NLGN4X: variants seen among roughly 807,000 people sequenced by gnomAD.
NLGN4X encodes neuroligin 4 X-linked.
A neutral mutation model predicts 40.3 loss-of-function variants in NLGN4X; 3 were observed. That is an observed-to-expected ratio of 0.07 (90% CI 0.03 to 0.19). The LOEUF is 0.19. Ranked by LOEUF, NLGN4X falls within the 10% of genes least tolerant of loss-of-function variation. The pLI is 1.00. For synonymous variants in NLGN4X, 270 were observed against 306.8 expected (o/e 0.88, Z 1.25); for missense variants, 382 against 708.3 (o/e 0.54, Z 5.23).
At chrX:6,226,731 G>C (rs1926381402) in intron 1 of NLGN4X, 1 of 121,303 alleles carries the variant, frequency 8.2e-6, no homozygotes, top group African/African-American at 3.2e-5. Context: ...TGTCCTCCGG[G>C]GTAGCGACCG....
chrX:6,131,704 C>T (rs187661121), intron 2 of NLGN4X, among the ~76,000 whole-genome samples: 130 of 112,320 alleles, frequency 1.2e-3, no homozygotes, highest in African/African-American at 3.8e-3. Context: ...CTTTGGAGCA[C>T]TTTGGGGATG....
intron 2 of NLGN4X, among the ~76,000 whole-genome samples, chrX:6,037,112 C>T (rs2037033942): frequency 9.1e-6 from 1 of 110,265 alleles, no homozygotes. Flanking sequence ...CTGGAACAGA[C>T]TGACCAACAT....
intron 1 of NLGN4X, among the ~76,000 whole-genome samples, chrX:6,170,400 G>A (rs1277013376): frequency 7.1e-5 from 8 of 112,419 alleles, no homozygotes; most frequent in Non-Finnish European, 1.9e-5. Context: ...AGAATCTCTG[G>A]AGGACCACAG....
At chrX:5,967,848 T>C (rs1253263842) in intron 3 of NLGN4X, among the ~76,000 whole-genome samples, 2 of 111,068 alleles carry the variant, frequency 1.8e-5, no homozygotes, top group African/African-American at 6.6e-5. Flanking sequence ...CCTGCATCCT[T>C]TCTGCTCACC....
chrX:5,921,800 C>T (rs967527953), intron 3 of NLGN4X, among the ~76,000 whole-genome samples: 3 of 111,755 alleles, frequency 2.7e-5, no homozygotes, highest in African/African-American at 6.5e-5. Context: ...CATTGGGCAG[C>T]GGTAGCTACA....
intron 3 of NLGN4X, among the ~76,000 whole-genome samples, chrX:5,927,850 G>A (rs895529057): frequency 3.6e-5 from 4 of 112,183 alleles, no homozygotes; most frequent in Non-Finnish European, 7.5e-5. Flanking sequence ...ATTCAAACTC[G>A]TCTCTTTTCT....
At chrX:6,116,835 C>A (rs999696432) in intron 2 of NLGN4X, among the ~76,000 whole-genome samples, 2 of 110,910 alleles carry the variant, frequency 1.8e-5, no homozygotes, top group Admixed American at 9.6e-5. Flanking sequence ...CCAAGAAGTG[C>A]TTTTAAGTGC....
chrX:5,894,459 G>A (rs1485269855), intron 5 of NLGN4X, among the ~76,000 whole-genome samples: 1 of 112,181 alleles, frequency 8.9e-6, no homozygotes, highest in Non-Finnish European at 1.9e-5. Flanking sequence ...TATGTTAGCT[G>A]TAAGAAGTTT....
intron 3 of NLGN4X, among the ~76,000 whole-genome samples, chrX:5,992,309 T>A (rs1027884072): frequency 1.2e-4 from 13 of 112,169 alleles, no homozygotes; most frequent in African/African-American, 4.2e-4. Flanking sequence ...CTGAGCAATT[T>A]ATAAAGAAAA....
At chrX:5,961,050 C>T (rs950313603) in intron 3 of NLGN4X, among the ~76,000 whole-genome samples, 105 of 109,941 alleles carry the variant, frequency 9.6e-4, no homozygotes, top group South Asian at 1.2e-3. Flanking sequence ...TTATTTGAGA[C>T]GGAGTCTCCC....
intron 3 of NLGN4X, among the ~76,000 whole-genome samples, chrX:6,018,285 T>C (rs745999089): frequency 9.0e-6 from 1 of 111,584 alleles, no homozygotes; most frequent in East Asian, 2.8e-4. Flanking sequence ...TAAGACCAAC[T>C]GGGACATCTA....
chrX:6,182,787 T>C (rs1446884249), intron 1 of NLGN4X, among the ~76,000 whole-genome samples: 2 of 111,356 alleles, frequency 1.8e-5, no homozygotes, highest in African/African-American at 6.5e-5. Flanking sequence ...AGAAAGATTC[T>C]CCCTTGGAGC....
intron 2 of NLGN4X, among the ~76,000 whole-genome samples, chrX:6,054,706 G>A (rs1224412653): frequency 9.0e-6 from 1 of 111,045 alleles, no homozygotes; most frequent in East Asian, 2.8e-4. Context: ...TGCCCAAGGT[G>A]GAGTGCAATG....
intron 2 of NLGN4X, among the ~76,000 whole-genome samples, chrX:6,112,345 G>GA (rs1377671382): frequency 9.0e-6 from 1 of 110,752 alleles, no homozygotes; most frequent in African/African-American, 3.3e-5. Flanking sequence ...TCAGGAATTT[G>GA]AAAAAAAGTT....
At chrX:6,214,614 A>G (rs927142399) in intron 1 of NLGN4X, among the ~76,000 whole-genome samples, 8 of 111,752 alleles carry the variant, frequency 7.2e-5, no homozygotes, top group Non-Finnish European at 1.5e-4. Context: ...AGAAAGATAG[A>G]GCCAAGTGCG....
chrX:5,948,700 C>A (rs1187864902), intron 3 of NLGN4X, among the ~76,000 whole-genome samples: 1 of 112,130 alleles, frequency 8.9e-6, no homozygotes, highest in Non-Finnish European at 1.9e-5. Context: ...TGAAACAGAA[C>A]CTCACTTCCA....
intron 1 of NLGN4X, among the ~76,000 whole-genome samples, chrX:6,162,305 T>C (rs537756301): frequency 1.8e-5 from 2 of 111,936 alleles, no homozygotes; most frequent in African/African-American, 3.2e-5. Context: ...GTCAACTTCA[T>C]TGGATTGAAG....
At chrX:6,011,390 T>G (rs2036248763) in intron 3 of NLGN4X, among the ~76,000 whole-genome samples, 1 of 107,249 alleles carries the variant, frequency 9.3e-6, no homozygotes, top group Admixed American at 1.0e-4. Context: ...TATATATATG[T>G]ATACACACAT....
At chrX:6,220,685 C>T (rs1251771803) in intron 1 of NLGN4X, among the ~76,000 whole-genome samples, 4 of 107,640 alleles carry the variant, frequency 3.7e-5, no homozygotes, top group Non-Finnish European at 5.7e-5. Context: ...TGTCTTCACT[C>T]CTAAATAAGG....
Sources: gnomAD v4.1 joint callset for allele counts (sites outside exome capture counted in the v4.1 genomes callset) on GRCh38, gnomAD v4.1.1 for gene constraint, MANE v1.5 for transcripts, NCBI Gene and HGNC (gene_info 2026-07-23, HGNC 2026-07-21) for gene names.